PRIMA1: variants seen among roughly 807,000 people sequenced by gnomAD.
The protein encoded by PRIMA1 is proline rich membrane anchor 1.
PRIMA1 carries 7 observed loss-of-function variants against 17.5 expected under a neutral mutation model. The ratio of observed to expected loss-of-function variants is 0.40; its 90% CI spans 0.23 to 0.75. The LOEUF (loss-of-function observed/expected upper bound fraction) is 0.75. Among genes scored for constraint, PRIMA1 ranks in the 30% least tolerant of loss-of-function variants. The pLI, the probability that PRIMA1 is intolerant of heterozygous loss-of-function variation, is 0.37. For missense variants in PRIMA1, 200 were observed against 201.8 expected (o/e 0.99, Z 0.05); for synonymous variants, 97 against 77.9 (o/e 1.25, Z -1.29).
In PRIMA1 at chr14:93,787,732, G is replaced by T. The variant is rs536086545; in HGVS notation, c.-14C>A. 6.5e-6 allele frequency: 10 copies of T among 1,541,696 alleles called. No homozygotes were observed. The highest frequency in any genetic ancestry group is 2.7e-5 in the African/African-American group (2 of 73,126). On this transcript the variant is annotated 5_prime_UTR_variant, in exon 2 of 5. Transcript: ENST00000393140. ...CCGGAGGAGCATCTCGGCCAGCGGCGCCCGCTCCTGGGGCGAACTGTCAGG... is the reference window on the plus strand; with the variant it reads ...CCGGAGGAGCATCTCGGCCAGCGGCTCCCGCTCCTGGGGCGAACTGTCAGG...
chr14:93,772,528 T>C (rs1885100017), intron 3 of PRIMA1, among the ~76,000 whole-genome samples: 1 of 152,264 alleles, frequency 6.6e-6, no homozygotes, highest in Admixed American at 6.5e-5. Context: ...AGGCAGGCCA[T>C]GGCTGACATT....
Position 93,726,710 on chromosome 14 carries a change from CAT to C in PRIMA1, c.360-5166_360-5165del, listed in dbSNP as rs983327529. Among the ~76,000 whole-genome samples the C allele has an allele frequency of 2.6e-5, 4 of 152,086 alleles. No individual in the cohort carries two copies. The highest frequency in any genetic ancestry group is 2.1e-4 in the South Asian group (1 of 4,818). ...GTACATATGCACAAACCCATACAAA[CAT>C]GTACTTACACACACACATATATGTA... is the stretch of plus-strand genomic sequence containing the variant. On this transcript the variant is annotated intron_variant, in intron 4 of 4. Coordinates refer to ENST00000393140, the MANE Select transcript of PRIMA1 (RefSeq NM_178013.4). The surrounding 1 kb of genome is among the most constrained non-coding windows in gnomAD (Gnocchi z 4.2).
At chr14:93,764,885 C>A (rs1884843074) in intron 3 of PRIMA1, among the ~76,000 whole-genome samples, 1 of 152,172 alleles carries the variant, frequency 6.6e-6, no homozygotes, top group Non-Finnish European at 1.5e-5. Flanking sequence ...TCTGACGTTT[C>A]CTGGACCAGC....
intron 3 of PRIMA1, among the ~76,000 whole-genome samples, chr14:93,749,942 A>T (rs1412239826): frequency 6.6e-6 from 1 of 152,198 alleles, no homozygotes; most frequent in Admixed American, 6.5e-5. Flanking sequence ...GCATTTTGGG[A>T]GGCCTAGGCG....
At chr14:93,723,777 T>A (rs2141149433) in intron 4 of PRIMA1, among the ~76,000 whole-genome samples, 1 of 152,288 alleles carries the variant, frequency 6.6e-6, no homozygotes, top group South Asian at 2.1e-4. Flanking sequence ...ATGGGGAAAC[T>A]GAGGCTTAGA....
At chr14:93,742,778 G>A (rs2076192318) in intron 3 of PRIMA1, among the ~76,000 whole-genome samples, 1 of 152,196 alleles carries the variant, frequency 6.6e-6, no homozygotes, top group African/African-American at 2.4e-5. Flanking sequence ...ACCAGGAGTA[G>A]GAAAGACTTC....
chr14:93,785,263 A>T (rs2141198937), intron 2 of PRIMA1, among the ~76,000 whole-genome samples: 1 of 151,940 alleles, frequency 6.6e-6, no homozygotes, highest in East Asian at 1.9e-4. Flanking sequence ...TCAAAATCTC[A>T]ATTCCAGACA....
intron 3 of PRIMA1, among the ~76,000 whole-genome samples, chr14:93,756,861 G>A (rs1405415906): frequency 6.6e-6 from 1 of 152,030 alleles, no homozygotes; most frequent in African/African-American, 2.4e-5. Flanking sequence ...GTTCAATCCA[G>A]CAGCAAGTCC....
At chr14:93,787,095 G>C (rs1289550132) in intron 2 of PRIMA1, among the ~76,000 whole-genome samples, 1 of 152,144 alleles carries the variant, frequency 6.6e-6, no homozygotes, top group African/African-American at 2.4e-5. Context: ...GTGGCTGCCT[G>C]GCCTCTGCCC....
chr14:93,738,414 G>A (rs933272105), intron 3 of PRIMA1, among the ~76,000 whole-genome samples: 18 of 152,214 alleles, frequency 1.2e-4, no homozygotes, highest in African/African-American at 4.3e-4. Context: ...AAGTGAGAGG[G>A]AAAAGAGAAA....
chr14:93,782,907 T>C (rs2141197119), intron 2 of PRIMA1, among the ~76,000 whole-genome samples: 1 of 152,316 alleles, frequency 6.6e-6, no homozygotes, highest in South Asian at 2.1e-4. Flanking sequence ...TTCTTGGGTG[T>C]TCATGCAAGA....
chr14:93,748,047 A>AAGT (rs2076235906), intron 3 of PRIMA1, among the ~76,000 whole-genome samples: 1 of 150,374 alleles, frequency 6.7e-6, no homozygotes, highest in Non-Finnish European at 1.5e-5. Context: ...GGAGTGTGTG[A>AAGT]GTGTGTGTAT....
chr14:93,743,882 C>T (rs995868686), intron 3 of PRIMA1, among the ~76,000 whole-genome samples: 1 of 152,226 alleles, frequency 6.6e-6, no homozygotes, highest in Non-Finnish European at 1.5e-5. Flanking sequence ...TGCAAATGCA[C>T]GGGACTCGGT....
rs557439907 is a variant in PRIMA1, at chr14:93,762,359, G to A, written c.229+16817C>T. On this transcript the variant is annotated intron_variant, in intron 3 of 4. Coordinates refer to ENST00000393140, the MANE Select transcript of PRIMA1 (RefSeq NM_178013.4). ...CCTGCTGGGATTGGAGCTGTTGCTC[G>A]GTGGGTTGGCTGGGAGATGAAATCA... Among the ~76,000 whole-genome samples, 7 of 152,222 alleles carry A rather than the reference G, an allele frequency of 4.6e-5. No homozygotes were observed. The South Asian group carries it at 8.3e-4, about 18-fold the overall frequency.
chr14:93,760,688 C>A (rs866834815), intron 3 of PRIMA1, among the ~76,000 whole-genome samples: 40 of 152,326 alleles, frequency 2.6e-4, no homozygotes, highest in South Asian at 4.1e-4. Context: ...CCACCCAGCA[C>A]CTGGTGCACA....
intron 3 of PRIMA1, among the ~76,000 whole-genome samples, chr14:93,753,011 TC>T (rs1363763041): frequency 1.3e-5 from 2 of 151,886 alleles, no homozygotes; most frequent in African/African-American, 4.8e-5. Context: ...GTAGCACCCC[TC>T]CCCCAGCTGC....
chr14:93,752,897 C>T (rs148945667), intron 3 of PRIMA1, among the ~76,000 whole-genome samples: 2 of 152,230 alleles, frequency 1.3e-5, no homozygotes, highest in South Asian at 2.1e-4. Context: ...TCCTCAACAT[C>T]GACATCGTGG....
chr14:93,746,095 C>T (rs1015794077), intron 3 of PRIMA1, among the ~76,000 whole-genome samples: 30 of 152,160 alleles, frequency 2.0e-4, no homozygotes, highest in African/African-American at 7.2e-4. Flanking sequence ...CCTAGGAGGT[C>T]GGTTTTCAGG....
chr14:93,735,310 C>T (rs964722454), intron 4 of PRIMA1, among the ~76,000 whole-genome samples: 2 of 152,208 alleles, frequency 1.3e-5, no homozygotes, highest in African/African-American at 2.4e-5. Context: ...CAAAGGCCTC[C>T]CCAGTCAGGC....
Sources: gnomAD v4.1 joint callset for allele counts (sites outside exome capture counted in the v4.1 genomes callset) on GRCh38, gnomAD v4.1.1 for gene constraint, Gnocchi (gnomAD v3.1) non-coding constraint, MANE v1.5 for transcripts, NCBI Gene and HGNC (gene_info 2026-07-23, HGNC 2026-07-21) for gene names.